Variants in NAA15 observed in about 807,000 individuals in gnomAD.
The protein encoded by NAA15 is N-alpha-acetyltransferase 15, NatA auxiliary subunit.
Under a neutral mutation model 114.0 loss-of-function variants are expected in NAA15, and 34 were observed. The observed-to-expected ratio is 0.30, with a 90% CI of 0.23 to 0.40. The LOEUF (loss-of-function observed/expected upper bound fraction) is 0.40. NAA15 is among the 10% of genes least tolerant of loss of function. The probability of loss-of-function intolerance (pLI) is 1.00; values close to 1 mark genes in which losing one functional copy is unlikely to be tolerated. For missense variants in NAA15, 658 were observed against 1,004.5 expected (o/e 0.66, Z 4.66); for synonymous variants, 340 against 338.0 (o/e 1.01, Z -0.06).
intron 16 of NAA15, among the ~76,000 whole-genome samples, chr4:139,377,955 C>G (rs1748637100): frequency 6.6e-6 from 1 of 152,156 alleles, no homozygotes; most frequent in South Asian, 2.1e-4. Flanking sequence ...TGGCTGTGTC[C>G]TAACCTCTAA....
At chr4:139,362,782 T>G (rs1748171811) in intron 14 of NAA15, among the ~76,000 whole-genome samples, 1 of 152,064 alleles carries the variant, frequency 6.6e-6, no homozygotes, top group African/African-American at 2.4e-5. Flanking sequence ...AGACAGTTAT[T>G]TGGGACAGAA....
intron 11 of NAA15, among the ~76,000 whole-genome samples, chr4:139,358,072 CA>C (rs1241270956): frequency 1.3e-4 from 20 of 151,942 alleles, no homozygotes; most frequent in Non-Finnish European, 2.4e-4. Flanking sequence ...TGTCATATTG[CA>C]AATAAAATTT....
chr4:139,357,364 T>C (rs1747990564), intron 10 of NAA15, 22 bp from the exon 11 acceptor site: 4 of 1,612,140 alleles, frequency 2.5e-6, no homozygotes, highest in Non-Finnish European at 3.4e-6. Context: ...TCATCTTGGT[T>C]TCTTCTCCCT....
intron 14 of NAA15, among the ~76,000 whole-genome samples, chr4:139,363,045 A>G (rs1748178394): frequency 6.6e-6 from 1 of 152,178 alleles, no homozygotes; most frequent in Non-Finnish European, 1.5e-5. Context: ...TTCTAAGGTC[A>G]CATACTGAAG....
chr4:139,322,320 T>C (rs757818615), intron 1 of NAA15, among the ~76,000 whole-genome samples: 11 of 152,346 alleles, frequency 7.2e-5, no homozygotes, highest in Non-Finnish European at 1.3e-4. Context: ...TTTGCTGCTA[T>C]ATAAGGCATG....
chr4:139,335,519 C>A (rs1747170315), intron 2 of NAA15, among the ~76,000 whole-genome samples: 1 of 151,976 alleles, frequency 6.6e-6, no homozygotes, highest in Non-Finnish European at 1.5e-5. Flanking sequence ...GCGTGTGCCA[C>A]CATGCCAGGC....
Position 139,376,426 on chromosome 4 carries a change from A to G in NAA15, c.2009A>G (p.Asn670Ser). Reference sequence around the variant, plus strand: ...ACACCGTTGAAGAACTTGGTGAAGAACAAGATAGAGACTCATCTTTTTGCC... The same window carrying G: ...ACACCGTTGAAGAACTTGGTGAAGAGCAAGATAGAGACTCATCTTTTTGCC... ...FLTPLKNLVKNKIETHLFAFE... is the reference protein window; with the variant it reads ...FLTPLKNLVKSKIETHLFAFE... Residue 670 changes from asparagine (N) to serine (S), a missense_variant, in exon 16 of 20, where the codon AAC becomes AGC. Transcript: ENST00000296543. 1 of 1,613,512 alleles carries G rather than the reference A, an allele frequency of 6.2e-7. No homozygotes were observed. Among genetic ancestry groups the G allele is most frequent in the South Asian group, 1.1e-5 (1 of 91,074 alleles).
intron 11 of NAA15, among the ~76,000 whole-genome samples, chr4:139,358,604 G>A (rs1274528023): frequency 1.3e-5 from 2 of 152,020 alleles, no homozygotes; most frequent in East Asian, 3.9e-4. Context: ...ACAACGTGCA[G>A]GTTTGTTACA....
intron 15 of NAA15, among the ~76,000 whole-genome samples, chr4:139,370,930 A>T (rs550222395): frequency 1.3e-5 from 2 of 152,308 alleles, no homozygotes; most frequent in Admixed American, 1.3e-4. Context: ...TTTCTTTTCT[A>T]GCCTAAGGCT....
intron 1 of NAA15, among the ~76,000 whole-genome samples, chr4:139,333,754 G>A (rs35017971): frequency 0.19 from 29,181 of 151,988 alleles, 3,186 homozygotes; most frequent in Non-Finnish European, 0.25. Context: ...AAAAATATTA[G>A]CCAGGTATGG....
chr4:139,328,585 T>TTTGAGATGGAG (rs1746885462), intron 1 of NAA15, among the ~76,000 whole-genome samples: 1 of 151,016 alleles, frequency 6.6e-6, no homozygotes, highest in Non-Finnish European at 1.5e-5. Context: ...TTTTTTTTTT[T>TTTGAGATGGAG]TGAGATGGAG....
chr4:139,384,778 T>C, intron 17 of NAA15, 54 bp from the exon 18 acceptor site: 3 of 1,202,912 alleles, frequency 2.5e-6, no homozygotes, highest in Non-Finnish European at 3.3e-6. Flanking sequence ...AATAAACTTT[T>C]GTAAACTTTA....
intron 13 of NAA15, among the ~76,000 whole-genome samples, chr4:139,361,322 A>G (rs992377948): frequency 1.3e-5 from 2 of 152,186 alleles, no homozygotes; most frequent in African/African-American, 4.8e-5. Flanking sequence ...AAAAAAAATT[A>G]TCAAATACAT....
At chr4:139,317,037 A>C (rs1746432449) in intron 1 of NAA15, among the ~76,000 whole-genome samples, 1 of 151,726 alleles carries the variant, frequency 6.6e-6, no homozygotes, top group African/African-American at 2.4e-5. Context: ...CATTGCTCTC[A>C]CTGTCATGTA....
intron 6 of NAA15, among the ~76,000 whole-genome samples, chr4:139,346,602 G>A (rs1385638419): frequency 6.6e-6 from 1 of 151,696 alleles, no homozygotes; most frequent in Non-Finnish European, 1.5e-5. Flanking sequence ...TCAGGCTGGA[G>A]TGCAGTGGCG....
At chr4:139,378,474 A>G (rs1203751808) in intron 16 of NAA15, among the ~76,000 whole-genome samples, 1 of 152,232 alleles carries the variant, frequency 6.6e-6, no homozygotes, top group African/African-American at 2.4e-5. Flanking sequence ...GAAGTTAGGA[A>G]ATGAAGGCAC....
Position 139,366,132 on chromosome 4 carries a change from A to G in NAA15, c.1754-4079A>G, listed in dbSNP as rs569673774. Among the ~76,000 whole-genome samples the G allele has an allele frequency of 4.6e-5, 7 of 152,154 alleles. No individual in the cohort carries two copies. The East Asian group carries it at 1.2e-3, about 25-fold the overall frequency. On this transcript the variant is annotated intron_variant, in intron 14 of 19. Transcript: ENST00000296543. ...GCTTTATGTTATCTATTGCTGCATC[A>G]TAAATTAATCCCTAAATTTAGCAGC...
chr4:139,389,568 A>G lies in NAA15; in HGVS notation c.*1484A>G, dbSNP rs1020051205. 6 of 152,632 alleles carry G rather than the reference A, an allele frequency of 3.9e-5. No individual in the cohort carries two copies. Among genetic ancestry groups the G allele is most frequent in the African/African-American group, 1.4e-4 (6 of 41,452 alleles). 9.5% of individuals were successfully genotyped at this position (152,632 alleles called of 1,614,324 possible). ...AATGTAATTCATAATTTAAAAGGAA[A>G]ACTAAAAACTATTTTGATTTGGGAA... On this transcript the variant is annotated 3_prime_UTR_variant, in exon 20 of 20. Coordinates refer to ENST00000296543, the MANE Select transcript of NAA15 (RefSeq NM_057175.5).
At chr4:139,370,445 A>T in intron 15 of NAA15, 41 bp downstream of exon 15, 1 of 1,487,022 alleles carries the variant, frequency 6.7e-7, no homozygotes, top group Non-Finnish European at 8.9e-7. Context: ...GTGACATTTT[A>T]TGACCAGCTC....
Sources: allele counts gnomAD v4.1 joint callset (sites outside exome capture counted in the v4.1 genomes callset), GRCh38; gene constraint gnomAD v4.1.1; transcripts MANE v1.5; gene names NCBI Gene and HGNC (gene_info 2026-07-23, HGNC 2026-07-21).